SNRNP48: variants seen among roughly 807,000 people sequenced by gnomAD.
SNRNP48 encodes the protein small nuclear ribonucleoprotein U11/U12 subunit 48, also known as U11/U12 small nuclear ribonucleoprotein 48 kDa protein.
SNRNP48 carries 43 observed loss-of-function variants against 47.0 expected under a neutral mutation model. The ratio of observed to expected loss-of-function variants is 0.92; its 90% CI spans 0.72 to 1.18. SNRNP48 has a LOEUF of 1.18. Ranked by LOEUF, SNRNP48 falls within the 50% of genes most tolerant of loss-of-function variation. The probability of loss-of-function intolerance (pLI) is 0.00; values close to 1 mark genes in which losing one functional copy is unlikely to be tolerated. For missense variants in SNRNP48, 396 were observed against 422.2 expected, an observed-to-expected ratio of 0.94 and a Z score of 0.54; for synonymous variants, 138 against 144.0, an observed-to-expected ratio of 0.96 and a Z score of 0.30.
chr6:7,595,779 C>A (rs1759894435), intron 4 of SNRNP48, among the ~76,000 whole-genome samples: 1 of 152,072 alleles, frequency 6.6e-6, no homozygotes, highest in African/African-American at 2.4e-5. Flanking sequence ...GCTTGGGATC[C>A]CCTTCTCAGA....
At chr6:7,603,210 A>G (rs1267122752) in intron 6 of SNRNP48, among the ~76,000 whole-genome samples, 1 of 152,202 alleles carries the variant, frequency 6.6e-6, no homozygotes, top group Admixed American at 6.5e-5. Context: ...ATTAGCTATT[A>G]TCTTTTTTGG....
chr6:7,597,779 CTATTA>C (rs1759929093), intron 4 of SNRNP48, among the ~76,000 whole-genome samples: 1 of 151,190 alleles, frequency 6.6e-6, no homozygotes, highest in South Asian at 2.1e-4. Flanking sequence ...TTAAGAGGAA[CTATTA>C]TATTATTTTG....
At position 7,602,613 on chromosome 6, in the gene SNRNP48, CT is replaced by C. The variant is rs767033596; in HGVS notation, c.596-7del. 1.5e-5 allele frequency: 23 copies of C among 1,558,960 alleles called. No homozygotes were observed. The highest frequency in any genetic ancestry group is 2.0e-5 in the Non-Finnish European group (23 of 1,156,400). ...AAGGATATAATACTTTTATTTTATT[CT>C]TTCATTAGACAATAGTCGAAAAAGT... On this transcript the variant is annotated splice_polypyrimidine_tract_variant and intron_variant, in intron 5 of 8. Coordinates refer to ENST00000342415, the MANE Select transcript of SNRNP48 (RefSeq NM_152551.4).
rs1760195214 is a variant in SNRNP48 at position 7,609,602 on chromosome 6, A to G, written c.*729A>G. Reference sequence around the variant, plus strand: ...CCATACCAAAGTTCTAACAGCGAGTAGGAGGTATAGATGAGAGATTAGGGG... The same window carrying G: ...CCATACCAAAGTTCTAACAGCGAGTGGGAGGTATAGATGAGAGATTAGGGG... On this transcript the variant is annotated 3_prime_UTR_variant, in exon 9 of 9. Transcript: ENST00000342415. The G allele has an allele frequency of 6.6e-6, 1 of 152,204 alleles. No individual in the cohort carries two copies. Among genetic ancestry groups the G allele is most frequent in the Non-Finnish European group, 1.5e-5 (1 of 68,020 alleles). The allele number at this position is 152,204 out of a possible 1,614,324, so 9.4% of individuals were successfully genotyped here.
intron 1 of SNRNP48, among the ~76,000 whole-genome samples, chr6:7,592,548 T>TA (rs1759836304): frequency 6.6e-6 from 1 of 152,200 alleles, no homozygotes; most frequent in African/African-American, 2.4e-5. Context: ...TATACTTTTT[T>TA]AAATCTTCAC....
chr6:7,599,747 G>A, intron 4 of SNRNP48: 1 of 1,276,240 alleles, frequency 7.8e-7, no homozygotes, highest in Non-Finnish European at 1.0e-6. Flanking sequence ...TATCCTTTTT[G>A]CAAATGATAT....
chr6:7,607,365 G>A (rs1487914621), intron 8 of SNRNP48, among the ~76,000 whole-genome samples: 1 of 152,154 alleles, frequency 6.6e-6, no homozygotes, highest in Non-Finnish European at 1.5e-5. Flanking sequence ...TCTTTGAATG[G>A]CTCTCAAGAC....
chr6:7,602,984 A>C (rs993493059), intron 6 of SNRNP48, among the ~76,000 whole-genome samples: 1 of 152,214 alleles, frequency 6.6e-6, no homozygotes, highest in African/African-American at 2.4e-5. Flanking sequence ...GTGAGAAAGT[A>C]GTAGTGTATC....
rs1193577173 is a variant in SNRNP48 at position 7,609,018 on chromosome 6, T to C, written c.*145T>C. On this transcript the variant is annotated 3_prime_UTR_variant, in exon 9 of 9. Coordinates refer to ENST00000342415, the MANE Select transcript of SNRNP48 (RefSeq NM_152551.4). ...TTTTTTATGATCTGTTTAGTGCTTA[T>C]TATTTTCCAGTAAATATGCTTCAAA... 5.1e-6 allele frequency: 2 copies of C among 390,442 alleles called. No individual in the cohort carries two copies. The highest frequency in any genetic ancestry group is 9.2e-6 in the Non-Finnish European group (2 of 216,630). The allele number at this position is 390,442 out of a possible 1,614,324, so 24.2% of individuals were successfully genotyped here.
At chr6:7,600,026 C>T in intron 4 of SNRNP48, 1 of 1,004,282 alleles carries the variant, frequency 1.0e-6, no homozygotes, top group Non-Finnish European at 1.2e-6. Context: ...ATTTTTATAG[C>T]CTAATTCAAA....
chr6:7,608,749 T>TGTTGAAAGTGGTGTATTACG, intron 8 of SNRNP48, 76 bp from the exon 9 acceptor site: 1 of 818,034 alleles, frequency 1.2e-6, no homozygotes, highest in South Asian at 2.4e-5. Flanking sequence ...GGTGTATTAC[T>TGTTGAAAGTGGTGTATTACG]GTTGAATTAT....
chr6:7,590,928 A>T (rs1365361686), intron 1 of SNRNP48, among the ~76,000 whole-genome samples: 1 of 152,220 alleles, frequency 6.6e-6, no homozygotes, highest in Non-Finnish European at 1.5e-5. Flanking sequence ...CAGTGAGCCG[A>T]GATCGCTCCA....
intron 1 of SNRNP48, 39 bp from the exon 2 acceptor site, chr6:7,593,695 T>C (rs757833999): frequency 8.1e-7 from 1 of 1,242,100 alleles, no homozygotes; most frequent in Non-Finnish European, 1.1e-6. Flanking sequence ...ATTTAAATAT[T>C]ATGTACCTAT....
At position 7,595,086 on chromosome 6, in the gene SNRNP48, G is replaced by A. The variant is rs138316982; in HGVS notation, c.391G>A (p.Asp131Asn). The change falls in exon 4 of 9, where the codon GAT becomes AAT. Residue 131 changes from aspartate (D) to asparagine (N), a missense_variant. Physicochemically the swap from Asp to Asn is conservative, Grantham distance 23. Transcript: ENST00000342415. ...QARTAVGKDS[D>N]CYNQRIYSSL... ...TAGAACTGCAGTTGGGAAAGACAGT[G>A]ATTGTTATAATCAAAGTAAGTGGCA... is the stretch of plus-strand genomic sequence containing the variant. 1.7e-5 allele frequency: 27 copies of A among 1,596,892 alleles called. No individual in the cohort carries two copies. In the African/African-American group the frequency reaches 2.8e-4, roughly 17 times the overall value.
chr6:7,610,270 T>C lies in SNRNP48; in HGVS notation c.*1397T>C, dbSNP rs1760208256. The C allele has an allele frequency of 6.6e-6, 1 of 152,200 alleles. No homozygotes were observed. The highest frequency in any genetic ancestry group is 2.4e-5 in the African/African-American group (1 of 41,452). The allele number at this position is 152,200 out of a possible 1,614,324, so 9.4% of individuals were successfully genotyped here. Reference sequence around the variant, plus strand: ...AGCTGACAGTGACAGAAAGATTGGATTTGGATCAGATTGGCTGTTAGGCTT... The same window carrying C: ...AGCTGACAGTGACAGAAAGATTGGACTTGGATCAGATTGGCTGTTAGGCTT... On this transcript the variant is annotated 3_prime_UTR_variant, in exon 9 of 9. Transcript: ENST00000342415.
intron 5 of SNRNP48, 126 bp downstream of exon 5, chr6:7,601,650 G>T: frequency 5.2e-6 from 5 of 969,558 alleles, no homozygotes; most frequent in Non-Finnish European, 7.2e-6. Context: ...ATTTAATATT[G>T]ACATGAAGTT....
chr6:7,605,749 C>T (rs891351633), intron 7 of SNRNP48, among the ~76,000 whole-genome samples: 4 of 152,038 alleles, frequency 2.6e-5, no homozygotes, highest in African/African-American at 7.3e-5. Context: ...CCTAGTATTC[C>T]ATTATGGGAA....
At chr6:7,603,355 G>T (rs1014170267) in intron 6 of SNRNP48, among the ~76,000 whole-genome samples, 2 of 152,078 alleles carry the variant, frequency 1.3e-5, no homozygotes, top group African/African-American at 4.8e-5. Context: ...CGTTAGAGTT[G>T]ATGAATTTTT....
At chr6:7,598,662 C>T (rs1759953910) in intron 4 of SNRNP48, among the ~76,000 whole-genome samples, 1 of 152,096 alleles carries the variant, frequency 6.6e-6, no homozygotes, top group Non-Finnish European at 1.5e-5. Context: ...GGGAGAATGA[C>T]TAACATGAAA....
Sources: allele counts gnomAD v4.1 joint callset (sites outside exome capture counted in the v4.1 genomes callset), GRCh38; gene constraint gnomAD v4.1.1; transcripts MANE v1.5; gene names NCBI Gene and HGNC (gene_info 2026-07-23, HGNC 2026-07-21).